Variants in AKT3 observed in about 807,000 individuals in gnomAD.
AKT3 encodes RAC-gamma serine/threonine-protein kinase.
AKT3 carries 15 observed loss-of-function variants against 65.3 expected under a neutral mutation model. The ratio of observed to expected loss-of-function variants is 0.23; its 90% CI spans 0.15 to 0.35. The LOEUF is 0.35. Among genes scored for constraint, AKT3 ranks in the 10% least tolerant of loss-of-function variants. The pLI, the probability that AKT3 is intolerant of heterozygous loss-of-function variation, is 1.00. For missense variants in AKT3, 243 were observed against 576.5 expected (o/e 0.42, Z 5.92); for synonymous variants, 206 against 183.8 (o/e 1.12, Z -0.98).
chr1:243,648,315 G>C (rs555144400), intron 4 of AKT3, among the ~76,000 whole-genome samples: 1 of 151,350 alleles, frequency 6.6e-6, no homozygotes. Flanking sequence ...TTCTTTTTCT[G>C]TATCTCTATA....
intron 8 of AKT3, among the ~76,000 whole-genome samples, chr1:243,612,109 AT>A (rs978297703): frequency 1.4e-3 from 209 of 145,164 alleles, no homozygotes; most frequent in Admixed American, 1.7e-3. Flanking sequence ...TTGGGTTTTG[AT>A]TTTTTTTTTT....
intron 8 of AKT3, among the ~76,000 whole-genome samples, chr1:243,608,039 T>C (rs533982719): frequency 1.8e-4 from 28 of 152,258 alleles, no homozygotes; most frequent in Admixed American, 1.4e-3. Context: ...CTTTATAAAT[T>C]ACCCCGTCTG....
At chr1:243,613,116 TATATATACATATAC>T (rs1200314187) in intron 8 of AKT3, 1 of 142,942 alleles carries the variant, frequency 7.0e-6, no homozygotes, top group Non-Finnish European at 1.5e-5. Context: ...TACCCACCCA[TATATATACATATAC>T]ATATATACAT....
intron 2 of AKT3, among the ~76,000 whole-genome samples, chr1:243,730,264 G>C (rs1687467087): frequency 1.3e-5 from 2 of 152,214 alleles, no homozygotes; most frequent in South Asian, 4.1e-4. Flanking sequence ...AGGTAAGTAA[G>C]GACTACCCTT....
At chr1:243,831,498 C>T (rs1020246269) in intron 2 of AKT3, among the ~76,000 whole-genome samples, 2 of 152,030 alleles carry the variant, frequency 1.3e-5, no homozygotes, top group Admixed American at 1.3e-4. Flanking sequence ...CTAGCATAAC[C>T]AAAAACACAG....
intron 3 of AKT3, among the ~76,000 whole-genome samples, chr1:243,688,682 G>A (rs1684496440): frequency 6.6e-6 from 1 of 152,074 alleles, no homozygotes; most frequent in African/African-American, 2.4e-5. Context: ...TTTGTTTAAG[G>A]ATGTATCCCC....
chr1:243,694,111 T>C (rs182537973), intron 3 of AKT3, among the ~76,000 whole-genome samples: 3 of 152,252 alleles, frequency 2.0e-5, no homozygotes, highest in Admixed American at 1.3e-4. Context: ...GGTCAAAAAA[T>C]GCTGCATTTT....
chr1:243,545,463 G>C lies in AKT3; in HGVS notation c.1251+47C>G, dbSNP rs368963083. The C allele has an allele frequency of 2.7e-4, 290 of 1,079,998 alleles. No homozygotes were observed. Among genetic ancestry groups the C allele is most frequent in the Non-Finnish European group, 3.7e-4 (269 of 718,068 alleles). 66.9% of individuals were successfully genotyped at this position (1,079,998 alleles called of 1,614,324 possible). A position where few individuals can be genotyped will look rare whatever the true frequency, so the allele number is the denominator to read the frequency against. On this transcript the variant is annotated intron_variant, in intron 12 of 13. Transcript: ENST00000673466. ...ATATTTTTGCTATAAATTCATTTTA[G>C]CAGTGCAGCCAAAATATATACACAC...
intron 2 of AKT3, among the ~76,000 whole-genome samples, chr1:243,744,128 A>T (rs1688329912): frequency 6.6e-6 from 1 of 152,222 alleles, no homozygotes; most frequent in Admixed American, 6.5e-5. Flanking sequence ...GAAATATAAT[A>T]CAGCAATGGG....
chr1:243,566,170 C>T (rs1434552325), intron 9 of AKT3, among the ~76,000 whole-genome samples: 1 of 152,156 alleles, frequency 6.6e-6, no homozygotes, highest in Non-Finnish European at 1.5e-5. Flanking sequence ...TGTATAAACA[C>T]TGCTTTTTAA....
chr1:243,634,044 T>C (rs1179425175), intron 6 of AKT3, among the ~76,000 whole-genome samples: 1 of 152,094 alleles, frequency 6.6e-6, no homozygotes, highest in Non-Finnish European at 1.5e-5. Flanking sequence ...TTGATATCCA[T>C]GGGGGATTGG....
At chr1:243,623,523 T>G (rs1678921572) in intron 6 of AKT3, among the ~76,000 whole-genome samples, 1 of 151,880 alleles carries the variant, frequency 6.6e-6, no homozygotes, top group African/African-American at 2.4e-5. Flanking sequence ...AGAGCCCAAA[T>G]AGGACCCAAA....
chr1:243,828,065 A>AAACAAC (rs60497718), intron 2 of AKT3, among the ~76,000 whole-genome samples: 12,848 of 150,640 alleles, frequency 0.085, 843 homozygotes, highest in African/African-American at 0.18. Context: ...AATGTTTTAA[A>AAACAAC]AACAACAACA....
intron 6 of AKT3, among the ~76,000 whole-genome samples, chr1:243,622,372 C>T (rs1168617968): frequency 6.6e-6 from 1 of 152,186 alleles, no homozygotes; most frequent in East Asian, 1.9e-4. Context: ...CATCATTATT[C>T]CTTATTTCCC....
At chr1:243,813,454 C>G (rs563677688) in intron 2 of AKT3, among the ~76,000 whole-genome samples, 1 of 149,490 alleles carries the variant, frequency 6.7e-6, no homozygotes, top group Non-Finnish European at 1.5e-5. Flanking sequence ...CTTGTGTAAC[C>G]AAATACCACC....
chr1:243,758,736 C>T (rs1689299567), intron 2 of AKT3, among the ~76,000 whole-genome samples: 2 of 152,178 alleles, frequency 1.3e-5, no homozygotes, highest in South Asian at 4.1e-4. Context: ...GCAGAGTTCA[C>T]AATAGGGTTC....
At chr1:243,684,696 T>C (rs1009074950) in intron 3 of AKT3, among the ~76,000 whole-genome samples, 2 of 152,204 alleles carry the variant, frequency 1.3e-5, no homozygotes, top group Non-Finnish European at 2.9e-5. Context: ...CTGGGTCAAA[T>C]GGTATTTCTA....
intron 12 of AKT3, among the ~76,000 whole-genome samples, chr1:243,531,882 T>C (rs191772590): frequency 1.5e-4 from 23 of 152,342 alleles, no homozygotes; most frequent in African/African-American, 4.8e-4. Context: ...TTAAATGAAA[T>C]TGATCTTCTT....
upstream of AKT3, among the ~76,000 whole-genome samples, chr1:243,850,398 A>G (rs1455831157): frequency 3.3e-5 from 5 of 150,878 alleles, no homozygotes; most frequent in Admixed American, 6.6e-5. Flanking sequence ...GATATCGGCT[A>G]CAAATTCATC....
Sources: gnomAD v4.1 joint callset for allele counts (sites outside exome capture counted in the v4.1 genomes callset) on GRCh38, gnomAD v4.1.1 for gene constraint, MANE v1.5 for transcripts, NCBI Gene and HGNC (gene_info 2026-07-23, HGNC 2026-07-21) for gene names.